The following WBP2 variants were observed in gnomAD, a reference collection of about 807,000 sequenced individuals.
WBP2 encodes WW domain-binding protein 2.
Under a neutral mutation model 33.0 loss-of-function variants are expected in WBP2, and 23 were observed. The ratio of observed to expected loss-of-function variants is 0.70; its 90% CI spans 0.50 to 0.99. WBP2 has a LOEUF of 0.99. Ranked by LOEUF, WBP2 falls within the 50% of genes least tolerant of loss-of-function variation. WBP2 has a pLI of 0.00. For synonymous variants in WBP2, 153 were observed against 133.5 expected (o/e 1.15, Z -1.01); for missense variants, 353 against 358.0 (o/e 0.99, Z 0.11).
intron 2 of WBP2, chr17:75,851,257 TTAA>T (rs775594249): frequency 8.1e-6 from 2 of 247,718 alleles, no homozygotes; most frequent in Non-Finnish European, 8.3e-6. Context: ...AAACAAAATA[TTAA>T]TAATAATAGT....
upstream of WBP2, chr17:75,855,470 G>C (rs942033467): frequency 2.0e-5 from 13 of 651,930 alleles, no homozygotes; most frequent in Non-Finnish European, 3.2e-5. Context: ...CCTCCTTCCA[G>C]TTCCTCCTGC....
At chr17:75,849,581 G>A in intron 3 of WBP2, 23 bp downstream of exon 3, 2 of 1,613,570 alleles carry the variant, frequency 1.2e-6, no homozygotes, top group Non-Finnish European at 1.7e-6. Context: ...CCCCATGCGT[G>A]TCCCTGAGTT....
chr17:75,854,356 G>T (rs78436502), intron 1 of WBP2, among the ~76,000 whole-genome samples: 1 of 152,264 alleles, frequency 6.6e-6, no homozygotes, highest in African/African-American at 2.4e-5. Context: ...CCCAGGGCTG[G>T]CTGGTCTGAT....
upstream of WBP2, among the ~76,000 whole-genome samples, chr17:75,855,630 G>C (rs955292900): frequency 1.3e-5 from 2 of 152,196 alleles, no homozygotes; most frequent in Non-Finnish European, 2.9e-5. Flanking sequence ...TAACCAATCG[G>C]CTTGTGCCAT....
intron 1 of WBP2, among the ~76,000 whole-genome samples, chr17:75,853,788 G>A (rs1055588006): frequency 3.3e-5 from 5 of 152,136 alleles, no homozygotes; most frequent in African/African-American, 9.7e-5. Context: ...GCTCACTCCT[G>A]TAATCCCAAT....
chr17:75,851,693 G>C lies in WBP2; in HGVS notation c.60-17C>G, dbSNP rs765838843. On this transcript the variant is annotated splice_polypyrimidine_tract_variant and intron_variant, in intron 1 of 7. Transcript: ENST00000254806. The stretch of plus-strand genomic sequence containing the variant: ...ATTAGGATGCTGTGATGAGAAAAGA[G>C]GAAAAGCCTCAATGAGACAGTATGG... 4 of 1,598,792 alleles carry C rather than the reference G, an allele frequency of 2.5e-6. No individual in the cohort carries two copies. Among genetic ancestry groups the C allele is most frequent in the Non-Finnish European group, 2.6e-6 (3 of 1,166,634 alleles).
intron 4 of WBP2, 162 bp downstream of exon 4, chr17:75,848,408 C>G: frequency 1.5e-6 from 1 of 670,326 alleles, no homozygotes; most frequent in Non-Finnish European, 2.6e-6. Flanking sequence ...AGAGCTGATG[C>G]CAATGACAGC....
chr17:75,855,477 C>T (rs1391611156), upstream of WBP2: 5 of 637,470 alleles, frequency 7.8e-6, no homozygotes, highest in Non-Finnish European at 8.3e-6. Flanking sequence ...CCAGTTCCTC[C>T]TGCGCAACAA....
rs373335592 is a variant in WBP2, at chr17:75,847,810, G to T, written c.518C>A (p.Pro173Gln). 2.9e-5 allele frequency: 45 copies of T among 1,558,196 alleles called. No individual in the cohort carries two copies. In the African/African-American group the frequency reaches 5.9e-4, roughly 20 times the overall value. Residue 173 changes from proline (P) to glutamine (Q), a missense_variant, in exon 5 of 8, where the codon CCA (proline) becomes CAA (glutamine). Transcript: ENST00000254806. ...GACACACTCACCAGGTGGGGGCGGTGGATAGGGGTAGCCAGGAGGGCAGGG... is the reference window on the plus strand; with the variant it reads ...GACACACTCACCAGGTGGGGGCGGTTGATAGGGGTAGCCAGGAGGGCAGGG... The part of the protein sequence containing the change: ...MYPCPPGYPY[P>Q]PPPPEFYPGP...
upstream of WBP2, chr17:75,855,547 T>A (rs902721551): frequency 1.8e-6 from 1 of 551,296 alleles, no homozygotes; most frequent in Non-Finnish European, 3.3e-6. Flanking sequence ...CCTGTCCCTA[T>A]GCTGGAGGAA....
At position 75,846,990 on chromosome 17, in the gene WBP2, A is replaced by G; in HGVS notation, c.656-6T>C. The G allele has an allele frequency of 1.2e-6, 2 of 1,613,986 alleles. No homozygotes were observed. Among genetic ancestry groups the G allele is most frequent in the Non-Finnish European group, 1.7e-6 (2 of 1,179,976 alleles). On this transcript the variant is annotated splice_polypyrimidine_tract_variant and splice_region_variant and intron_variant, in intron 6 of 7. Coordinates refer to ENST00000254806, the MANE Select transcript of WBP2 (RefSeq NM_012478.4). The surrounding 1 kb of genome is among the most constrained non-coding windows in gnomAD (Gnocchi z 4.8). ...TTCTGCGGCCTTGGCTTCGGCTGTG[A>G]GAGCAAACACACCTGGTGTCGGTGA...
chr17:75,846,839 C>T lies in WBP2; in HGVS notation c.733-52G>A, dbSNP rs1010662314. ...GCATTAGAAGGTTTAAAACATGGTG[C>T]GGTCATCCCCCTGCGGCTCCCAGCA... On this transcript the variant is annotated intron_variant, in intron 7 of 7. Coordinates refer to ENST00000254806, the MANE Select transcript of WBP2 (RefSeq NM_012478.4). The surrounding 1 kb of genome is among the most constrained non-coding windows in gnomAD (Gnocchi z 4.8). 1.7e-5 allele frequency: 28 copies of T among 1,608,286 alleles called. 1 individual carries two copies. Among genetic ancestry groups the T allele is most frequent in the South Asian group, 3.3e-5 (3 of 90,388 alleles).
At chr17:75,847,372 G>T in intron 6 of WBP2, 115 bp downstream of exon 6, 1 of 1,492,578 alleles carries the variant, frequency 6.7e-7, no homozygotes, top group Non-Finnish European at 9.1e-7. Flanking sequence ...GGTAGTCCAG[G>T]GGTCATCCAT....
chr17:75,855,437 C>A, upstream of WBP2: 4 of 839,208 alleles, frequency 4.8e-6, no homozygotes, highest in South Asian at 4.2e-5. Flanking sequence ...CTGACCCGAA[C>A]GTCACGTGGT....
chr17:75,855,170 C>CCCCCCCCCCCCCCCCAA, intron 1 of WBP2, 69 bp downstream of exon 1: 1 of 1,098,770 alleles, frequency 9.1e-7, no homozygotes, highest in Non-Finnish European at 1.4e-6. Flanking sequence ...CCCCACCACC[C>CCCCCCCCCCCCCCCCAA]ACCACCCACC....
rs2065027546 is a variant in WBP2, at chr17:75,851,570, G to T, written c.166C>A (p.Arg56=). The T allele has an allele frequency of 6.2e-7, 1 of 1,611,164 alleles. No individual in the cohort carries two copies. ...KKGTVYLTPY[R]VIFLSKGKDA... is the part of the protein sequence containing the mutation. ...AACTGCCCTGCTGTGCAACTCACCC[G>T]GTAAGGGGTAAGGTAGACAGTGCCT... The change falls in exon 2 of 8, where the codon CGG becomes AGG. Residue 56 remains arginine, a splice_region_variant and synonymous_variant. Transcript: ENST00000254806.
intron 1 of WBP2, among the ~76,000 whole-genome samples, chr17:75,853,811 C>G (rs895619832): frequency 6.6e-6 from 1 of 151,844 alleles, no homozygotes; most frequent in Non-Finnish European, 1.5e-5. Context: ...TTTGGGAGGC[C>G]GAGGAGGGTG....
rs576123230 is a variant in WBP2, at chr17:75,848,669, G to A, written c.305-7C>T. ...GCAGAGCCTTCCCAGCCACCTGAAAGGGGAAGGACAGTGAATAAACAGCAC... is the reference window on the plus strand; with the variant it reads ...GCAGAGCCTTCCCAGCCACCTGAAAAGGGAAGGACAGTGAATAAACAGCAC... On this transcript the variant is annotated splice_polypyrimidine_tract_variant and splice_region_variant and intron_variant, in intron 3 of 7. Transcript: ENST00000254806. 5.6e-6 allele frequency: 9 copies of A among 1,611,064 alleles called. No homozygotes were observed. In the African/African-American group the frequency reaches 1.2e-4, roughly 22 times the overall value.
chr17:75,846,902 T>C lies in WBP2; in HGVS notation c.732+6A>G, dbSNP rs532950254. On this transcript the variant is annotated splice_donor_region_variant and intron_variant, in intron 7 of 7. Coordinates refer to ENST00000254806, the MANE Select transcript of WBP2 (RefSeq NM_012478.4). The surrounding 1 kb of genome is among the most constrained non-coding windows in gnomAD (Gnocchi z 4.8). ...GGGCTGCACCGGCACTGCCAAGCCC[T>C]CTCACCGTGGGCATGTAGACGTTGT... The C allele has an allele frequency of 8.1e-6, 13 of 1,614,020 alleles. No homozygotes were observed. The South Asian group carries it at 1.3e-4, about 16-fold the overall frequency.
Sources: gnomAD v4.1 joint callset for allele counts (sites outside exome capture counted in the v4.1 genomes callset) on GRCh38, gnomAD v4.1.1 for gene constraint, Gnocchi (gnomAD v3.1) non-coding constraint, MANE v1.5 for transcripts, NCBI Gene and HGNC (gene_info 2026-07-23, HGNC 2026-07-21) for gene names.